Variants in NAALADL2 observed in about 807,000 individuals in gnomAD.
NAALADL2 encodes inactive N-acetylated-alpha-linked acidic dipeptidase-like protein 2.
Under a neutral mutation model 87.2 loss-of-function variants are expected in NAALADL2, and 76 were observed. The ratio of observed to expected loss-of-function variants is 0.87; its 90% CI spans 0.72 to 1.05. The LOEUF is 1.05. Ranked by LOEUF, NAALADL2 falls within the 50% of genes least tolerant of loss-of-function variation. The pLI is 0.00. For synonymous variants in NAALADL2, 354 were observed against 331.0 expected (o/e 1.07, Z -0.75); for missense variants, 1,089 against 945.8 (o/e 1.15, Z -1.99).
At chr3:174,907,141 T>A (rs1733077635) in intron 1 of NAALADL2, among the ~76,000 whole-genome samples, 1 of 152,106 alleles carries the variant, frequency 6.6e-6, no homozygotes, top group Non-Finnish European at 1.5e-5. Flanking sequence ...AAACTCTTTC[T>A]CAGCAGAATT....
At chr3:174,902,858 G>T (rs1732477452) in intron 1 of NAALADL2, among the ~76,000 whole-genome samples, 1 of 152,056 alleles carries the variant, frequency 6.6e-6, no homozygotes, top group Admixed American at 6.6e-5. Context: ...ACATGCTTGG[G>T]AAATGTTTGA....
chr3:175,631,195 G>A (rs1313342350), intron 11 of NAALADL2, among the ~76,000 whole-genome samples: 4 of 151,612 alleles, frequency 2.6e-5, no homozygotes, highest in African/African-American at 9.7e-5. Flanking sequence ...CTACATATTA[G>A]GAAGTTAATA....
chr3:175,610,651 C>T (rs1162467980), intron 10 of NAALADL2, among the ~76,000 whole-genome samples: 1 of 152,000 alleles, frequency 6.6e-6, no homozygotes, highest in Non-Finnish European at 1.5e-5. Flanking sequence ...CCATCTTCTT[C>T]CCTTTTGTGT....
intron 5 of NAALADL2, among the ~76,000 whole-genome samples, chr3:175,421,982 G>T (rs1262462962): frequency 6.6e-6 from 1 of 152,038 alleles, no homozygotes; most frequent in Non-Finnish European, 1.5e-5. Context: ...ATATCAAATA[G>T]GCTAGGAGAA....
chr3:174,563,935 C>T (rs373026801), intron 2 of NAALADL2, among the ~76,000 whole-genome samples: 12 of 152,040 alleles, frequency 7.9e-5, no homozygotes, highest in Non-Finnish European at 1.6e-4. Context: ...TTAAACCTTC[C>T]GTAGATGGGG....
intron 3 of NAALADL2, among the ~76,000 whole-genome samples, chr3:174,759,284 A>G (rs1004067949): frequency 6.6e-6 from 1 of 152,186 alleles, no homozygotes; most frequent in African/African-American, 2.4e-5. Context: ...TTGCTTTTAG[A>G]TAGGAATAAA....
chr3:175,611,084 G>A (rs1724581107), intron 10 of NAALADL2, among the ~76,000 whole-genome samples: 1 of 151,970 alleles, frequency 6.6e-6, no homozygotes, highest in East Asian at 1.9e-4. Flanking sequence ...CCAGGCCCCA[G>A]ATTTCTACTT....
chr3:175,394,132 G>A (rs536153022), intron 5 of NAALADL2, among the ~76,000 whole-genome samples: 2 of 152,128 alleles, frequency 1.3e-5, no homozygotes, highest in South Asian at 2.1e-4. Flanking sequence ...AAATCCTTTG[G>A]ATTTCCAACA....
intron 2 of NAALADL2, among the ~76,000 whole-genome samples, chr3:174,707,287 C>T (rs1730171738): frequency 6.8e-6 from 1 of 146,486 alleles, no homozygotes; most frequent in Non-Finnish European, 1.5e-5. Context: ...CACCAATCCC[C>T]ATTACTGGGT....
intron 3 of NAALADL2, among the ~76,000 whole-genome samples, chr3:174,818,358 A>G (rs1431904210): frequency 1.3e-5 from 2 of 152,024 alleles, no homozygotes; most frequent in Admixed American, 1.3e-4. Flanking sequence ...AAATACCCCT[A>G]ACTGCGGAGA....
intron 2 of NAALADL2, among the ~76,000 whole-genome samples, chr3:175,098,813 G>T (rs533990567): frequency 6.6e-6 from 1 of 151,590 alleles, no homozygotes; most frequent in Admixed American, 6.6e-5. Flanking sequence ...CTTCATTATG[G>T]ACATCTGTTC....
At chr3:175,309,481 C>T (rs12632214) in intron 4 of NAALADL2, among the ~76,000 whole-genome samples, 7,700 of 151,862 alleles carry the variant, frequency 0.051, 306 homozygotes, top group East Asian at 0.18. Context: ...CCACTGTGCC[C>T]AGCCCATTAT....
chr3:174,703,485 G>A (rs1729755759), intron 2 of NAALADL2, among the ~76,000 whole-genome samples: 1 of 152,104 alleles, frequency 6.6e-6, no homozygotes, highest in Non-Finnish European at 1.5e-5. Context: ...AATCATGAGA[G>A]TTTAGGATAC....
chr3:175,439,731 C>CTTTTTTTTTTTTTTTTTTTTTTTTTTT (rs535237866), intron 5 of NAALADL2, among the ~76,000 whole-genome samples: 1 of 113,786 alleles, frequency 8.8e-6, no homozygotes, highest in African/African-American at 3.6e-5. Flanking sequence ...GTTTTTTTTT[C>CTTTTTTTTTTTTTTTTTTTTTTTTTTT]TTTTTTTTCT....
chr3:174,881,446 G>A (rs1008225931), intron 1 of NAALADL2, among the ~76,000 whole-genome samples: 5 of 152,026 alleles, frequency 3.3e-5, no homozygotes, highest in Non-Finnish European at 5.9e-5. Flanking sequence ...ATTTACTCAC[G>A]TTTCTGTGGT....
chr3:175,726,075 C>T (rs1442854802), intron 11 of NAALADL2, among the ~76,000 whole-genome samples: 2 of 151,948 alleles, frequency 1.3e-5, no homozygotes, highest in South Asian at 2.1e-4. Context: ...AACAATATGA[C>T]TAGCAGAAAA....
chr3:174,754,098 G>A (rs1222732262), intron 3 of NAALADL2, among the ~76,000 whole-genome samples: 1 of 152,138 alleles, frequency 6.6e-6, no homozygotes, highest in Non-Finnish European at 1.5e-5. Context: ...GGCAGCTTGA[G>A]CTAAGACATT....
intron 13 of NAALADL2, among the ~76,000 whole-genome samples, chr3:175,768,771 G>T (rs1749086154): frequency 6.6e-6 from 1 of 151,054 alleles, no homozygotes; most frequent in Non-Finnish European, 1.5e-5. Context: ...AGAATCAGTT[G>T]AACCTGGGAG....
chr3:174,782,682 C>T (rs2109155230), intron 3 of NAALADL2, among the ~76,000 whole-genome samples: 1 of 152,102 alleles, frequency 6.6e-6, no homozygotes, highest in African/African-American at 2.4e-5. Flanking sequence ...GGGAAGGCCT[C>T]AGGAAACTTA....
Sources: allele counts gnomAD v4.1 joint callset (sites outside exome capture counted in the v4.1 genomes callset), GRCh38; gene constraint gnomAD v4.1.1; transcripts MANE v1.5; gene names NCBI Gene and HGNC (gene_info 2026-07-23, HGNC 2026-07-21).